The following UNC13C variants were observed in gnomAD, a reference collection of about 807,000 sequenced individuals.
The protein encoded by UNC13C is protein unc-13 homolog C.
In UNC13C, 174 loss-of-function variants were observed where a neutral mutation model predicts 245.4. The ratio of observed to expected loss-of-function variants is 0.71; its 90% confidence interval spans 0.63 to 0.80. The LOEUF (loss-of-function observed/expected upper bound fraction) is 0.80, where lower values mean the gene tolerates loss of function less well. Among genes scored for constraint, UNC13C ranks in the 30% least tolerant of loss-of-function variants. UNC13C has a pLI of 0.00. For synonymous variants in UNC13C, 992 were observed against 895.1 expected, an observed-to-expected ratio of 1.11 and a Z score of -1.93; for missense variants, 2,829 against 2,602.9, an observed-to-expected ratio of 1.09 and a Z score of -1.89.
intron 30 of UNC13C, among the ~76,000 whole-genome samples, chr15:54,580,335 A>C (rs755942340): frequency 5.3e-5 from 8 of 152,356 alleles, no homozygotes; most frequent in Non-Finnish European, 1.0e-4. Flanking sequence ...ATCTTAGAAT[A>C]AGGAATATAA....
intron 19 of UNC13C, among the ~76,000 whole-genome samples, chr15:54,433,250 T>G (rs1240270166): frequency 6.6e-6 from 1 of 152,088 alleles, no homozygotes; most frequent in Non-Finnish European, 1.5e-5. Flanking sequence ...AGCATCATCC[T>G]GATACCAAAA....
chr15:54,308,473 C>T lies in UNC13C; in HGVS notation c.4268+8100C>T, dbSNP rs555590728. Among the ~76,000 whole-genome samples the T allele has an allele frequency of 2.0e-5, 3 of 151,746 alleles. 1 individual carries two copies. The East Asian group carries it at 5.8e-4, about 30-fold the overall frequency. On this transcript the variant is annotated intron_variant, in intron 13 of 32. Transcript: ENST00000260323. The stretch of plus-strand genomic sequence containing the variant: ...AAAATGACTAAATCTAGCTAATGAA[C>T]ATATATATTACTTTACATAGTTATT...
chr15:53,869,812 A>T, the UNC13C span, among the ~76,000 whole-genome samples: 5 of 152,158 alleles, frequency 3.3e-5, no homozygotes, highest in African/African-American at 1.2e-4. Flanking sequence ...AGGGTAATTG[A>T]CCCAGTTGCT....
chr15:53,977,090 CT>C (rs1291718039), upstream of UNC13C, among the ~76,000 whole-genome samples: 2 of 152,162 alleles, frequency 1.3e-5, no homozygotes, highest in Admixed American at 6.5e-5. Flanking sequence ...GTACTTGCCC[CT>C]GATGCAGATC....
At chr15:54,110,340 A>G (rs1417493802) in intron 2 of UNC13C, among the ~76,000 whole-genome samples, 2 of 152,128 alleles carry the variant, frequency 1.3e-5, no homozygotes, top group Non-Finnish European at 2.9e-5. Flanking sequence ...GGGAAGTCCC[A>G]CAGAAGACAA....
At chr15:54,159,714 AT>A (rs1044650612) in intron 4 of UNC13C, among the ~76,000 whole-genome samples, 18 of 152,190 alleles carry the variant, frequency 1.2e-4, no homozygotes, top group African/African-American at 4.3e-4. Flanking sequence ...GCACAAAAGG[AT>A]TTTGAAGATA....
chr15:54,304,335 G>A (rs1411794228), intron 13 of UNC13C, among the ~76,000 whole-genome samples: 1 of 152,050 alleles, frequency 6.6e-6, no homozygotes, highest in Non-Finnish European at 1.5e-5. Context: ...GTGATTCATT[G>A]ACAATTACAC....
At chr15:54,302,177 A>AT (rs1340468161) in intron 13 of UNC13C, among the ~76,000 whole-genome samples, 1 of 152,034 alleles carries the variant, frequency 6.6e-6, no homozygotes, top group African/African-American at 2.4e-5. Context: ...TTCTTTGTAG[A>AT]TTCTCGATAT....
intron 2 of UNC13C, among the ~76,000 whole-genome samples, chr15:54,059,169 A>C (rs1053108807): frequency 1.2e-4 from 18 of 151,512 alleles, no homozygotes; most frequent in African/African-American, 4.1e-4. Flanking sequence ...GAAGAAGTCA[A>C]ATTGTCCCTG....
chr15:54,098,750 A>G (rs968657996), intron 2 of UNC13C, among the ~76,000 whole-genome samples: 1 of 152,226 alleles, frequency 6.6e-6, no homozygotes, highest in Admixed American at 6.5e-5. Context: ...ACATTTCACC[A>G]GTAAAACATT....
chr15:54,401,305 T>G (rs1021548342), intron 18 of UNC13C, among the ~76,000 whole-genome samples: 1 of 152,138 alleles, frequency 6.6e-6, no homozygotes. Flanking sequence ...TCACAAATAT[T>G]TAATTTGTAA....
At chr15:54,184,606 T>C (rs1433845168) in intron 4 of UNC13C, among the ~76,000 whole-genome samples, 1 of 152,220 alleles carries the variant, frequency 6.6e-6, no homozygotes, top group Non-Finnish European at 1.5e-5. Context: ...CTCATCATTT[T>C]TTATGGCTGC....
At chr15:54,073,034 C>T (rs1406333728) in intron 2 of UNC13C, among the ~76,000 whole-genome samples, 1 of 152,098 alleles carries the variant, frequency 6.6e-6, no homozygotes, top group Non-Finnish European at 1.5e-5. Flanking sequence ...CTCCCCTAGC[C>T]CTCCACCCCC....
At position 54,456,670 on chromosome 15, in the gene UNC13C, T is replaced by G. The variant is rs112283903; in HGVS notation, c.4934-37938T>G. ...AAAAGGGTTTGAGTTCTTGATTTGA[T>G]TCTCATCTTGGTCACTACTGGTGTA... On this transcript the variant is annotated intron_variant, in intron 19 of 32. Transcript: ENST00000260323. Among the ~76,000 whole-genome samples, 484 of 151,966 alleles carry G rather than the reference T, an allele frequency of 3.2e-3. 1 individual carries two copies. The highest frequency in any genetic ancestry group is 0.011 in the African/African-American group (466 of 41,506).
At chr15:54,228,405 G>C (rs147730589) in intron 4 of UNC13C, among the ~76,000 whole-genome samples, 19 of 151,832 alleles carry the variant, frequency 1.3e-4, no homozygotes, top group Admixed American at 1.2e-3. Context: ...TTTTCTCTCC[G>C]TTTCTCAAGC....
At chr15:54,049,527 C>T (rs994156730) in intron 2 of UNC13C, 1 of 314,450 alleles carries the variant, frequency 3.2e-6, no homozygotes, top group Admixed American at 4.8e-5. Context: ...AATAAGTTCA[C>T]TGCATCATTA....
rs148844363 is a variant in UNC13C at position 54,448,149 on chromosome 15, T to G, written c.4933+33082T>G. The stretch of plus-strand genomic sequence containing the variant: ...CTATGGTCTGAGAGACAGTTTGTTA[T>G]AATTTCTGTTCTTTTATGTTTGCTG... On this transcript the variant is annotated intron_variant, in intron 19 of 32. Transcript: ENST00000260323. 3.5e-3 allele frequency among the ~76,000 whole-genome samples: 537 copies of G among 152,310 alleles called. 3 individuals carry two copies. Among genetic ancestry groups the G allele is most frequent in the African/African-American group, 0.013 (522 of 41,572 alleles).
At chr15:54,596,454 C>T (rs956151353) in intron 30 of UNC13C, among the ~76,000 whole-genome samples, 3 of 152,062 alleles carry the variant, frequency 2.0e-5, no homozygotes, top group African/African-American at 7.2e-5. Flanking sequence ...GACTGTAAGT[C>T]CCAGGCTTGC....
At chr15:54,259,243 TA>T (rs2036361339) in intron 8 of UNC13C, among the ~76,000 whole-genome samples, 1 of 152,250 alleles carries the variant, frequency 6.6e-6, no homozygotes, top group African/African-American at 2.4e-5. Flanking sequence ...GCCAGTTAGT[TA>T]AGTGGCAGAT....
Sources: gnomAD v4.1 joint callset for allele counts (sites outside exome capture counted in the v4.1 genomes callset) on GRCh38, gnomAD v4.1.1 for gene constraint, MANE v1.5 for transcripts, NCBI Gene and HGNC (gene_info 2026-07-23, HGNC 2026-07-21) for gene names.